Variants in PPP1R1A observed in about 807,000 individuals in gnomAD.
PPP1R1A encodes the protein protein phosphatase 1 regulatory inhibitor subunit 1A.
Under a neutral mutation model 23.9 loss-of-function variants are expected in PPP1R1A, and 18 were observed. That is an observed-to-expected ratio of 0.75 (90% CI 0.52 to 1.12). The LOEUF (loss-of-function observed/expected upper bound fraction) is 1.12, where lower values mean the gene tolerates loss of function less well. PPP1R1A is among the 50% of genes most tolerant of loss of function. The probability of loss-of-function intolerance (pLI) is 0.00; values close to 1 mark genes in which losing one functional copy is unlikely to be tolerated. For synonymous variants in PPP1R1A, 84 were observed against 80.7 expected (o/e 1.04, Z -0.22); for missense variants, 207 against 223.8 (o/e 0.92, Z 0.48).
intron 1 of PPP1R1A, 49 bp downstream of exon 1, chr12:54,588,356 C>A: frequency 6.9e-7 from 1 of 1,454,884 alleles, no homozygotes; most frequent in South Asian, 1.3e-5. Flanking sequence ...TCCAGGGGTC[C>A]CTCGTCCTTG....
chr12:54,580,198 G>T lies in PPP1R1A; in HGVS notation c.*189C>A. On this transcript the variant is annotated 3_prime_UTR_variant, in exon 7 of 7. Transcript: ENST00000257905. The stretch of plus-strand genomic sequence containing the variant: ...GCAGGAGGGTGGGGGCTACAGAGAG[G>T]GCAGGGCAAGAAGGCAGGGAGAAAG... 7.1e-7 allele frequency: 1 copy of T among 1,410,566 alleles called. No individual in the cohort carries two copies. The highest frequency in any genetic ancestry group is 1.5e-5 in the South Asian group (1 of 67,254). The allele number at this position is 1,410,566 out of a possible 1,614,324, so 87.4% of individuals were successfully genotyped here.
chr12:54,581,953 G>T lies in PPP1R1A; in HGVS notation c.403+23C>A. On this transcript the variant is annotated intron_variant, in intron 5 of 6. Transcript: ENST00000257905. This position sits in a 1 kb window ranked among gnomAD's most constrained non-coding sequence, Gnocchi z 4.1. ...CTGGGCTGGGAAATAGGATGCCTGGGGCCCTCCCCAGCCTGAACATACTTT... is the reference window on the plus strand; with the variant it reads ...CTGGGCTGGGAAATAGGATGCCTGGTGCCCTCCCCAGCCTGAACATACTTT... 1.3e-6 allele frequency: 2 copies of T among 1,593,842 alleles called. No homozygotes were observed. The highest frequency in any genetic ancestry group is 1.3e-5 in the African/African-American group (1 of 74,482).
At chr12:54,585,180 C>A (rs1957897687) in intron 1 of PPP1R1A, among the ~76,000 whole-genome samples, 1 of 152,170 alleles carries the variant, frequency 6.6e-6, no homozygotes, top group South Asian at 2.1e-4. Flanking sequence ...CCTCTCTGTC[C>A]TTGGATACAT....
intron 3 of PPP1R1A, 35 bp from the exon 4 acceptor site, chr12:54,582,830 C>T: frequency 1.9e-6 from 3 of 1,600,604 alleles, no homozygotes; most frequent in African/African-American, 2.7e-5. Context: ...GGGCGCCAGC[C>T]CCCCCTTGCT....
rs201983638 is a variant in PPP1R1A at position 54,580,945 on chromosome 12, G to A, written c.509C>T (p.Ser170Leu). The A allele has an allele frequency of 8.1e-6, 13 of 1,611,512 alleles. No homozygotes were observed. Among genetic ancestry groups the A allele is most frequent in the East Asian group, 4.5e-5 (2 of 44,888 alleles). ...GGCAGCCCAGCCCTGGGGTCTTACC[G>A]AGTTGGCTCCCTTGGAATCCAGTGG... ...IPPLDSKGAN[S>L]V The change falls in exon 6 of 7, where the codon TCG becomes TTG. Residue 170 changes from serine (S) to leucine (L), a missense_variant and splice_region_variant. By Grantham distance (145) the Ser-to-Leu change is moderately radical (BLOSUM62 -2). Coordinates refer to ENST00000257905, the MANE Select transcript of PPP1R1A (RefSeq NM_006741.4).
chr12:54,585,778 G>A (rs1221705290), intron 1 of PPP1R1A, among the ~76,000 whole-genome samples: 2 of 148,804 alleles, frequency 1.3e-5, no homozygotes, highest in African/African-American at 5.0e-5. Context: ...TAAGCCTGAG[G>A]GGGGAACTCT....
At position 54,580,193 on chromosome 12, in the gene PPP1R1A, G is replaced by A; in HGVS notation, c.*194C>T. On this transcript the variant is annotated 3_prime_UTR_variant, in exon 7 of 7. Transcript: ENST00000257905. ...GCTTGGCAGGAGGGTGGGGGCTACA[G>A]AGAGGGCAGGGCAAGAAGGCAGGGA... is the stretch of plus-strand genomic sequence containing the variant. 1.4e-6 allele frequency: 2 copies of A among 1,399,800 alleles called. No individual in the cohort carries two copies. Among genetic ancestry groups the A allele is most frequent in the Non-Finnish European group, 1.9e-6 (2 of 1,074,464 alleles). The allele number at this position is 1,399,800 out of a possible 1,614,324, so 86.7% of individuals were successfully genotyped here. A position where few individuals can be genotyped will look rare whatever the true frequency, so the allele number is the denominator to read the frequency against.
intron 1 of PPP1R1A, 128 bp downstream of exon 1, chr12:54,588,277 A>T: frequency 7.1e-6 from 1 of 141,490 alleles, no homozygotes; most frequent in Non-Finnish European, 1.3e-5. Flanking sequence ...CCCCCCGCAA[A>T]CTGAGCGTTC....
At chr12:54,588,097 AG>A (rs1957927892) in intron 1 of PPP1R1A, among the ~76,000 whole-genome samples, 1 of 151,812 alleles carries the variant, frequency 6.6e-6, no homozygotes, top group South Asian at 2.1e-4. Flanking sequence ...TTAAGGAGGG[AG>A]GGGTCGTGTC....
In PPP1R1A at chr12:54,588,495, GGC is replaced by G; in HGVS notation, c.-9_-8del. 1 of 1,351,942 alleles carries G rather than the reference GGC, an allele frequency of 7.4e-7. No individual in the cohort carries two copies. Among genetic ancestry groups the G allele is most frequent in the Non-Finnish European group, 9.6e-7 (1 of 1,039,786 alleles). 83.7% of individuals were successfully genotyped at this position (1,351,942 alleles called of 1,614,324 possible). ...GGCTGTTGTCTTGCTCCATGGCTGG[GGC>G]GGCGGCCGGTGGGCCCGCGCTGCGG... On this transcript the variant is annotated 5_prime_UTR_variant, in exon 1 of 7. Transcript: ENST00000257905.
In PPP1R1A at chr12:54,581,528, A is replaced by G. The variant is rs570331106; in HGVS notation, c.403+448T>C. Among the ~76,000 whole-genome samples the G allele has an allele frequency of 9.4e-4, 143 of 152,342 alleles. No homozygotes were observed. Among genetic ancestry groups the G allele is most frequent in the African/African-American group, 3.2e-3 (135 of 41,564 alleles). On this transcript the variant is annotated intron_variant, in intron 5 of 6. Coordinates refer to ENST00000257905, the MANE Select transcript of PPP1R1A (RefSeq NM_006741.4). This position sits in a 1 kb window ranked among gnomAD's most constrained non-coding sequence, Gnocchi z 4.1. The stretch of plus-strand genomic sequence containing the variant: ...ACATAGCGCACTGCTACCAGCTTCC[A>G]CTTATTGCATGCTCTGTGTGTGTCG...
intron 3 of PPP1R1A, 129 bp downstream of exon 3, chr12:54,583,082 T>TG (rs1052586261): frequency 1.2e-5 from 12 of 972,066 alleles, no homozygotes; most frequent in Middle Eastern, 6.2e-4. Flanking sequence ...CATGCACATT[T>TG]GGGGGGTAGA....
At position 54,581,581 on chromosome 12, in the gene PPP1R1A, TA is replaced by T. The variant is rs1301403317; in HGVS notation, c.403+394del. Among the ~76,000 whole-genome samples the T allele has an allele frequency of 6.6e-6, 1 of 152,222 alleles. No homozygotes were observed. Among genetic ancestry groups the T allele is most frequent in the African/African-American group, 2.4e-5 (1 of 41,460 alleles). On this transcript the variant is annotated intron_variant, in intron 5 of 6. Transcript: ENST00000257905. The surrounding 1 kb of genome is among the most constrained non-coding windows in gnomAD (Gnocchi z 4.1). ...TGCTGTGTCAACAGCCAGTCTCATT[TA>T]ATAGTCACACACAACCCACTGCAAC...
At position 54,581,031 on chromosome 12, in the gene PPP1R1A, A is replaced by C. The variant is rs766067690; in HGVS notation, c.423T>G (p.Pro141=). The part of the protein sequence containing the change: ...GTAKKTAECI[P]KTHERGSKEP... ...CCTTACTGCCTCTCTCGTGAGTTTTAGGGATGCATTCTGCAGTTTCTGGGG... is the reference window on the plus strand; with the variant it reads ...CCTTACTGCCTCTCTCGTGAGTTTTCGGGATGCATTCTGCAGTTTCTGGGG... Residue 141 remains proline, a synonymous_variant, in exon 6 of 7, where the codon CCT becomes CCG. Coordinates refer to ENST00000257905, the MANE Select transcript of PPP1R1A (RefSeq NM_006741.4). The surrounding 1 kb of genome is among the most constrained non-coding windows in gnomAD (Gnocchi z 4.1). 1.9e-6 allele frequency: 3 copies of C among 1,611,574 alleles called. No individual in the cohort carries two copies. The highest frequency in any genetic ancestry group is 2.7e-5 in the African/African-American group (2 of 74,812).
At chr12:54,588,325 A>C in intron 1 of PPP1R1A, 80 bp downstream of exon 1, 1 of 1,059,296 alleles carries the variant, frequency 9.4e-7, no homozygotes, top group Non-Finnish European at 1.3e-6. Context: ...AGGACTAGGC[A>C]GGGATCCTGG....
At position 54,588,429 on chromosome 12, in the gene PPP1R1A, G is replaced by C; in HGVS notation, c.60C>G (p.His20Gln). The change falls in exon 1 of 7, where the codon CAC becomes CAG. Residue 20 changes from histidine to glutamine, a missense_variant. By Grantham distance (24) the His-to-Gln change is conservative. Coordinates refer to ENST00000257905, the MANE Select transcript of PPP1R1A (RefSeq NM_006741.4). ...IQFTVPLLEP[H>Q]LDPEAAEQIR... is the part of the protein sequence containing the mutation. Reference sequence around the variant, plus strand: ...CCTGCTCCGCCGCCTCGGGGTCAAGGTGCGGCTCCAGCAGCGGGACCGTGA... The same window carrying C: ...CCTGCTCCGCCGCCTCGGGGTCAAGCTGCGGCTCCAGCAGCGGGACCGTGA... 1 of 1,500,920 alleles carries C rather than the reference G, an allele frequency of 6.7e-7. No homozygotes were observed. Among genetic ancestry groups the C allele is most frequent in the South Asian group, 1.3e-5 (1 of 79,726 alleles). 93.0% of individuals were successfully genotyped at this position (1,500,920 alleles called of 1,614,324 possible).
At chr12:54,582,883 G>GC (rs1376158280) in intron 3 of PPP1R1A, 88 bp from the exon 4 acceptor site, 2 of 1,327,468 alleles carry the variant, frequency 1.5e-6, no homozygotes, top group African/African-American at 1.5e-5. Context: ...ATGCCCTCCA[G>GC]CCCCCCTTGC....
At chr12:54,588,256 A>G (rs867016537) in intron 1 of PPP1R1A, 149 bp downstream of exon 1, 1 of 180,668 alleles carries the variant, frequency 5.5e-6, no homozygotes, top group Non-Finnish European at 1.1e-5. Context: ...GGGACAGAAG[A>G]CCCCCCCCCG....
chr12:54,583,284 C>T (rs914111708), intron 2 of PPP1R1A, 36 bp from the exon 3 acceptor site: 7 of 1,463,178 alleles, frequency 4.8e-6, no homozygotes, highest in Non-Finnish European at 6.3e-6. Flanking sequence ...GTGATAAGGA[C>T]AGGAAACCAG....
Sources: allele counts gnomAD v4.1 joint callset (sites outside exome capture counted in the v4.1 genomes callset), GRCh38; gene constraint gnomAD v4.1.1; non-coding constraint Gnocchi (gnomAD v3.1); transcripts MANE v1.5; gene names NCBI Gene and HGNC (gene_info 2026-07-23, HGNC 2026-07-21).